ATP11A: variants seen among roughly 807,000 people sequenced by gnomAD.
ATP11A encodes the protein ATPase phospholipid transporting 11A, also known as phospholipid-transporting ATPase IH.
A neutral mutation model predicts 154.4 loss-of-function variants in ATP11A; 81 were observed. That is an observed-to-expected ratio of 0.52 (90% CI 0.44 to 0.63). ATP11A has a LOEUF of 0.63. ATP11A is among the 30% of genes least tolerant of loss of function. The pLI is 0.00. For missense variants in ATP11A, 1,316 were observed against 1,474.3 expected (o/e 0.89, Z 1.76); for synonymous variants, 623 against 585.9 (o/e 1.06, Z -0.91).
intron 17 of ATP11A, among the ~76,000 whole-genome samples, 170 bp from the exon 18 acceptor site, chr13:112,850,867 G>T (rs80227839): frequency 0.016 from 2,482 of 152,146 alleles, 67 homozygotes; most frequent in East Asian, 0.067. Flanking sequence ...AGATTTGGTT[G>T]GATTATAATC....
At chr13:112,881,598 G>A (rs917679455) in intron 29 of ATP11A, 2 of 1,180,598 alleles carry the variant, frequency 1.7e-6, no homozygotes, top group Non-Finnish European at 2.1e-6. Context: ...AAAAGGAGAG[G>A]CCCTCATTCC....
chr13:112,740,154 A>ATATATATCTC (rs1555311743), intron 1 of ATP11A, among the ~76,000 whole-genome samples: 5,436 of 139,520 alleles, frequency 0.039, 338 homozygotes, highest in African/African-American at 0.14. Context: ...CTCTCTATAT[A>ATATATATCTC]TATATATATA....
chr13:112,775,027 C>T (rs1359238514), intron 1 of ATP11A, among the ~76,000 whole-genome samples: 1 of 152,272 alleles, frequency 6.6e-6, no homozygotes, highest in East Asian at 1.9e-4. Context: ...GGCCAGCGGG[C>T]TGCAGCGTGT....
intron 1 of ATP11A, among the ~76,000 whole-genome samples, chr13:112,691,239 C>T (rs1335775363): frequency 1.3e-5 from 2 of 151,748 alleles, no homozygotes; most frequent in Non-Finnish European, 2.9e-5. Flanking sequence ...CCGAGGCGGG[C>T]GGATCACGAG....
rs1285388044 is a variant in ATP11A at position 112,886,777 on chromosome 13, G to A, written c.*4911G>A. On this transcript the variant is annotated 3_prime_UTR_variant, in exon 30 of 30. Coordinates refer to ENST00000375645, the MANE Select transcript of ATP11A (RefSeq NM_015205.3). ...TAATGTCTGCGTCACCATTTAAAAT[G>A]TCTGTTCATTATGTAATGTAATAAA... The A allele has an allele frequency of 1.3e-5, 2 of 152,488 alleles. No individual in the cohort carries two copies. The highest frequency in any genetic ancestry group is 2.9e-5 in the Non-Finnish European group (2 of 68,024). The allele number at this position is 152,488 out of a possible 1,614,324, so 9.4% of individuals were successfully genotyped here. A position where few individuals can be genotyped will look rare whatever the true frequency, so the allele number is the denominator to read the frequency against.
chr13:112,862,509 C>G lies in ATP11A; in HGVS notation c.2925C>G (p.Asp975Glu), dbSNP rs151314075. The G allele has an allele frequency of 6.2e-7, 1 of 1,614,176 alleles. No homozygotes were observed. Among genetic ancestry groups the G allele is most frequent in the African/African-American group, 1.3e-5 (1 of 75,062 alleles). ...ACTGGACGCTCCTGGGACTGTTTGA[C>G]GCACTGGTGTTCTTCTTTGGTGCTT... ...FIYWTLLGLFDALVFFFGAYF... is the reference protein window; with the variant it reads ...FIYWTLLGLFEALVFFFGAYF... Residue 975 changes from aspartate to glutamate, a missense_variant, in exon 25 of 30, where the codon GAC becomes GAG. By Grantham distance (45) the Asp-to-Glu change is conservative. This residue lies in a region of ATP11A where 294 missense variants were observed against 290.2 expected (regional missense o/e 1.01). Coordinates refer to ENST00000375645, the MANE Select transcript of ATP11A (RefSeq NM_015205.3).
intron 29 of ATP11A, chr13:112,881,211 C>G (rs1043533686): frequency 1.4e-4 from 141 of 989,564 alleles, no homozygotes; most frequent in Non-Finnish European, 1.6e-4. Flanking sequence ...TGCGTGCTGC[C>G]GGCCTCCTGC....
At chr13:112,780,160 T>C (rs1363092295) in intron 1 of ATP11A, among the ~76,000 whole-genome samples, 3 of 152,130 alleles carry the variant, frequency 2.0e-5, no homozygotes, top group Non-Finnish European at 4.4e-5. Flanking sequence ...ACATTTTTAC[T>C]GAGGTATAAT....
In ATP11A at chr13:112,816,144, C is replaced by G. The variant is rs2078640636; in HGVS notation, c.503C>G (p.Ser168Cys). The change falls in exon 6 of 30, where the codon TCC (serine) becomes TGC (cysteine). Residue 168 changes from serine to cysteine, a missense_variant. Ser to Cys is a moderately radical substitution (Grantham distance 112). Around this residue, in one of 5 missense-constraint regions of ATP11A, gnomAD observed 876 missense variants for 1,006.8 expected, o/e 0.87. Transcript: ENST00000375645. Reference sequence around the variant, plus strand: ...TTTCCCTGCGACTTGATCTTCCTTTCCAGCAACCGGGGAGATGGGACGTGC... The same window carrying G: ...TTTCCCTGCGACTTGATCTTCCTTTGCAGCAACCGGGGAGATGGGACGTGC... ...ETFPCDLIFL[S>C]SNRGDGTCHV... The G allele has an allele frequency of 6.2e-7, 1 of 1,614,204 alleles. No homozygotes were observed. The highest frequency in any genetic ancestry group is 8.5e-7 in the Non-Finnish European group (1 of 1,180,038).
chr13:112,840,322 TCCCGTGCCCTCCAGACTCAGCCTCCCC>T, intron 16 of ATP11A, among the ~76,000 whole-genome samples: 2 of 117,098 alleles, frequency 1.7e-5, no homozygotes. Context: ...CTCCCCACTC[TCCCGTGCCCTCCAGACTCAGCCTCCCC>T]ACTCTCCCGT....
intron 24 of ATP11A, 101 bp downstream of exon 24, chr13:112,860,515 C>G (rs1195455837): frequency 4.3e-6 from 6 of 1,405,370 alleles, no homozygotes; most frequent in African/African-American, 4.3e-5. Flanking sequence ...CAGTTGAGGG[C>G]CAGAAGCATT....
chr13:112,857,055 C>A (rs984239539), intron 20 of ATP11A, among the ~76,000 whole-genome samples: 1 of 152,218 alleles, frequency 6.6e-6, no homozygotes. Context: ...GGAACAGCAA[C>A]TAAGGATTTG....
chr13:112,863,993 T>C (rs1394901374), intron 25 of ATP11A, among the ~76,000 whole-genome samples: 2 of 76,846 alleles, frequency 2.6e-5, no homozygotes, highest in Admixed American at 3.4e-4. Context: ...GCGGGGTCCA[T>C]CACCACGTGC....
At chr13:112,758,385 G>A (rs981891338) in intron 1 of ATP11A, among the ~76,000 whole-genome samples, 1 of 150,842 alleles carries the variant, frequency 6.6e-6, no homozygotes, top group African/African-American at 2.4e-5. Flanking sequence ...GAAGTAAGAA[G>A]AATGGATCAG....
At chr13:112,830,846 C>T (rs1411390037) in intron 12 of ATP11A, among the ~76,000 whole-genome samples, 1 of 152,164 alleles carries the variant, frequency 6.6e-6, no homozygotes, top group African/African-American at 2.4e-5. Flanking sequence ...TAACACATAT[C>T]ACAGTTTTCT....
At chr13:112,878,055 G>T (rs978372342) in intron 28 of ATP11A, among the ~76,000 whole-genome samples, 162 bp from the exon 29 acceptor site, 1 of 152,216 alleles carries the variant, frequency 6.6e-6, no homozygotes, top group Middle Eastern at 3.2e-3. Context: ...CGCCCAGAGT[G>T]ACCAGAAGAA....
At chr13:112,860,698 A>G (rs933704272) in intron 24 of ATP11A, 24 of 293,592 alleles carry the variant, frequency 8.2e-5, no homozygotes, top group Non-Finnish European at 1.3e-5. Context: ...GAGCTGGGGT[A>G]CAAGCGTCTT....
chr13:112,843,022 G>T (rs2140295416), intron 17 of ATP11A, among the ~76,000 whole-genome samples: 1 of 152,342 alleles, frequency 6.6e-6, no homozygotes, highest in South Asian at 2.1e-4. Context: ...TGGCTGGGGT[G>T]GACACGCTCC....
At chr13:112,828,112 TGGGGGGAAGCGCCCAGCAGCG>T (rs2078981772) in intron 12 of ATP11A, among the ~76,000 whole-genome samples, 1 of 41,426 alleles carries the variant, frequency 2.4e-5, no homozygotes, top group African/African-American at 1.2e-4. Context: ...CAGCGTTGAG[TGGGGGGAAGCGCCCAGCAGCG>T]TTGAGTAGGG....
Sources: allele counts gnomAD v4.1 joint callset (sites outside exome capture counted in the v4.1 genomes callset), GRCh38; gene constraint gnomAD v4.1.1; regional missense constraint gnomAD v4.1.1; transcripts MANE v1.5; gene names NCBI Gene and HGNC (gene_info 2026-07-23, HGNC 2026-07-21).